ZSCAN2: variants seen among roughly 807,000 people sequenced by gnomAD.
The protein encoded by ZSCAN2 is zinc finger and SCAN domain containing 2, also known as zinc finger and SCAN domain-containing protein 2.
In ZSCAN2, 26 loss-of-function variants were observed where a neutral mutation model predicts 47.8. The ratio of observed to expected loss-of-function variants is 0.54; its 90% CI spans 0.40 to 0.75. The LOEUF (loss-of-function observed/expected upper bound fraction) is 0.75, where lower values mean the gene tolerates loss of function less well. Among genes scored for constraint, ZSCAN2 ranks in the 30% least tolerant of loss-of-function variants. The probability of loss-of-function intolerance (pLI) is 0.00; values close to 1 mark genes in which losing one functional copy is unlikely to be tolerated. For synonymous variants in ZSCAN2, 305 were observed against 288.7 expected (o/e 1.06, Z -0.57); for missense variants, 732 against 785.4 (o/e 0.93, Z 0.81).
At chr15:84,605,721 A>G (rs977571293) in intron 2 of ZSCAN2, among the ~76,000 whole-genome samples, 1 of 152,206 alleles carries the variant, frequency 6.6e-6, no homozygotes, top group East Asian at 1.9e-4. Flanking sequence ...GTGAGAGGCT[A>G]GGGGCAGGAG....
intron 2 of ZSCAN2, among the ~76,000 whole-genome samples, chr15:84,617,144 T>C (rs1018083244): frequency 4.0e-4 from 54 of 133,470 alleles, no homozygotes; most frequent in Admixed American, 3.6e-3. Context: ...AAAAAAAAAC[T>C]GTCTTCCATG....
At chr15:84,613,930 T>C (rs1052559727) in intron 2 of ZSCAN2, among the ~76,000 whole-genome samples, 1 of 147,566 alleles carries the variant, frequency 6.8e-6, no homozygotes, top group Admixed American at 6.8e-5. Flanking sequence ...TCCGCCCACC[T>C]CTGCCTCCCA....
intron 2 of ZSCAN2, among the ~76,000 whole-genome samples, chr15:84,610,050 C>G (rs977574159): frequency 6.6e-6 from 1 of 152,170 alleles, no homozygotes; most frequent in South Asian, 2.1e-4. Flanking sequence ...CCAGAGCTCA[C>G]GTGGCAAGTG....
intron 2 of ZSCAN2, among the ~76,000 whole-genome samples, chr15:84,608,703 T>C (rs1298936023): frequency 1.3e-5 from 2 of 152,082 alleles, no homozygotes; most frequent in Non-Finnish European, 2.9e-5. Context: ...GGGATTCTAA[T>C]TTTCTGATTT....
intron 1 of ZSCAN2, among the ~76,000 whole-genome samples, chr15:84,601,620 T>C: frequency 6.7e-6 from 1 of 149,732 alleles, no homozygotes; most frequent in Non-Finnish European, 1.5e-5. Flanking sequence ...TTTTTGTCCT[T>C]TTTTTTTTAA....
chr15:84,619,155 G>A (rs1451720630), intron 2 of ZSCAN2, among the ~76,000 whole-genome samples: 1 of 152,172 alleles, frequency 6.6e-6, no homozygotes, highest in Non-Finnish European at 1.5e-5. Context: ...TTCATGGCTG[G>A]GCGCGGTGGC....
intron 2 of ZSCAN2, among the ~76,000 whole-genome samples, chr15:84,613,883 T>C (rs1895622568): frequency 6.6e-6 from 1 of 151,980 alleles, no homozygotes; most frequent in Admixed American, 6.5e-5. Context: ...GGTTTCACCA[T>C]GTTGGCCAGG....
intron 2 of ZSCAN2, among the ~76,000 whole-genome samples, chr15:84,613,300 T>C (rs1427305181): frequency 6.6e-6 from 1 of 152,238 alleles, no homozygotes; most frequent in Non-Finnish European, 1.5e-5. Flanking sequence ...ATTAATGTTT[T>C]AATTATTGAG....
intron 2 of ZSCAN2, among the ~76,000 whole-genome samples, chr15:84,617,414 T>C (rs1447778686): frequency 2.0e-5 from 3 of 151,548 alleles, no homozygotes; most frequent in African/African-American, 7.3e-5. Context: ...CCAGCCTGGG[T>C]GACAGAGTGA....
intron 2 of ZSCAN2, among the ~76,000 whole-genome samples, chr15:84,613,994 T>TTTC (rs1433197578): frequency 7.7e-6 from 1 of 130,402 alleles, no homozygotes; most frequent in African/African-American, 2.8e-5. Context: ...TTTTTTTTTT[T>TTTC]TTTTTTTTTT....
At chr15:84,610,341 A>C (rs1002081440) in intron 2 of ZSCAN2, among the ~76,000 whole-genome samples, 1 of 152,172 alleles carries the variant, frequency 6.6e-6, no homozygotes, top group Admixed American at 6.5e-5. Context: ...TATTTTTGTA[A>C]TCTTAGCATG....
At chr15:84,602,587 C>CTTTTTTTTT (rs981357914) in intron 1 of ZSCAN2, among the ~76,000 whole-genome samples, 8 of 115,734 alleles carry the variant, frequency 6.9e-5, no homozygotes, top group South Asian at 2.7e-4. Context: ...CTTTTCTTTT[C>CTTTTTTTTT]TTTTTTTTTT....
chr15:84,604,414 G>A (rs2141758216), intron 2 of ZSCAN2, 81 bp downstream of exon 2: 1 of 1,511,718 alleles, frequency 6.6e-7, no homozygotes, highest in South Asian at 1.3e-5. Context: ...GGAGGAGAAG[G>A]TGGTGTCCAA....
chr15:84,610,470 TTC>T (rs148282095), intron 2 of ZSCAN2, among the ~76,000 whole-genome samples: 1,932 of 35,852 alleles, frequency 0.054, 205 homozygotes, highest in East Asian at 0.53. Context: ...ACAGAAGTCT[TTC>T]TTTCTTTCTT....
In ZSCAN2 at chr15:84,621,974, A is replaced by G. The variant is rs759946623; in HGVS notation, c.1779A>G (p.Lys593=). 5.6e-6 allele frequency: 9 copies of G among 1,614,154 alleles called. No homozygotes were observed. Among genetic ancestry groups the G allele is most frequent in the Non-Finnish European group, 7.6e-6 (9 of 1,179,996 alleles). ...EKPYKCPECG[K]GFSNSSNFIT... is the part of the protein sequence containing the mutation. The stretch of plus-strand genomic sequence containing the variant: ...CCTACAAATGCCCCGAGTGTGGCAA[A>G]GGCTTCAGCAACAGCTCTAACTTTA... Residue 593 remains lysine, a synonymous_variant, in exon 3 of 3, where the codon AAA becomes AAG. Coordinates refer to ENST00000546148, the MANE Select transcript of ZSCAN2 (RefSeq NM_181877.4). This position sits in a 1 kb window ranked among gnomAD's most constrained non-coding sequence, Gnocchi z 5.7.
At position 84,622,854 on chromosome 15, in the gene ZSCAN2, G is replaced by A. The variant is rs890950076; in HGVS notation, c.*814G>A. 1.3e-4 allele frequency: 77 copies of A among 603,788 alleles called. 1 individual carries two copies. The South Asian group carries it at 1.6e-3, about 12-fold the overall frequency. The allele number at this position is 603,788 out of a possible 1,614,324, so 37.4% of individuals were successfully genotyped here. A position where few individuals can be genotyped will look rare whatever the true frequency, so the allele number is the denominator to read the frequency against. On this transcript the variant is annotated 3_prime_UTR_variant, in exon 3 of 3. Coordinates refer to ENST00000546148, the MANE Select transcript of ZSCAN2 (RefSeq NM_181877.4). ...CTCGTGGGGTTTTGTCCTGGAGAGT[G>A]TAGTGAAGTCCGAGAGCCCTAGCTG...
intron 2 of ZSCAN2, among the ~76,000 whole-genome samples, chr15:84,615,797 C>G (rs1048241978): frequency 6.6e-6 from 1 of 152,070 alleles, no homozygotes; most frequent in Non-Finnish European, 1.5e-5. Flanking sequence ...CTGATTTTCC[C>G]TCCTTTCCTG....
At chr15:84,616,996 C>A (rs1464572772) in intron 2 of ZSCAN2, among the ~76,000 whole-genome samples, 1 of 152,084 alleles carries the variant, frequency 6.6e-6, no homozygotes, top group African/African-American at 2.4e-5. Context: ...GTGGCACATG[C>A]CTGTAATCCC....
At chr15:84,613,049 G>T (rs926297577) in intron 2 of ZSCAN2, among the ~76,000 whole-genome samples, 3 of 152,082 alleles carry the variant, frequency 2.0e-5, no homozygotes, top group Non-Finnish European at 4.4e-5. Flanking sequence ...CATTTGAATT[G>T]AATTTTTCCA....
Sources: gnomAD v4.1 joint callset for allele counts (sites outside exome capture counted in the v4.1 genomes callset) on GRCh38, gnomAD v4.1.1 for gene constraint, Gnocchi (gnomAD v3.1) non-coding constraint, MANE v1.5 for transcripts, NCBI Gene and HGNC (gene_info 2026-07-23, HGNC 2026-07-21) for gene names.